SORCS3: variants seen among roughly 807,000 people sequenced by gnomAD.
The protein encoded by SORCS3 is sortilin related VPS10 domain containing receptor 3.
SORCS3 carries 57 observed loss-of-function variants against 146.3 expected under a neutral mutation model. That is an observed-to-expected ratio of 0.39 (90% CI 0.31 to 0.49). The LOEUF (loss-of-function observed/expected upper bound fraction) is 0.49. SORCS3 is among the 20% of genes least tolerant of loss of function. The probability of loss-of-function intolerance (pLI) is 0.92; values close to 1 mark genes in which losing one functional copy is unlikely to be tolerated. For synonymous variants in SORCS3, 653 were observed against 618.5 expected (o/e 1.06, Z -0.83); for missense variants, 1,341 against 1,575.5 (o/e 0.85, Z 2.52).
At chr10:105,189,193 T>C (rs1011429639) in intron 14 of SORCS3, among the ~76,000 whole-genome samples, 5 of 152,196 alleles carry the variant, frequency 3.3e-5, no homozygotes, top group Admixed American at 1.3e-4. Flanking sequence ...GCTTGCTGGC[T>C]ACCCATGAAA....
intron 4 of SORCS3, among the ~76,000 whole-genome samples, chr10:105,011,949 A>G (rs790653): frequency 0.046 from 7,037 of 152,254 alleles, 216 homozygotes; most frequent in East Asian, 0.16. Flanking sequence ...GGTCATAAAT[A>G]CTATAAGGAA....
chr10:104,715,000 A>C (rs2016459591), intron 1 of SORCS3, among the ~76,000 whole-genome samples: 2 of 152,184 alleles, frequency 1.3e-5, no homozygotes, highest in African/African-American at 2.4e-5. Flanking sequence ...AATGAGTATA[A>C]TTTAAGCTCG....
At chr10:104,837,363 G>A (rs2018082361) in intron 1 of SORCS3, among the ~76,000 whole-genome samples, 1 of 152,150 alleles carries the variant, frequency 6.6e-6, no homozygotes, top group Non-Finnish European at 1.5e-5. Context: ...TTCCATAAAT[G>A]TAATTTTCCA....
intron 1 of SORCS3, among the ~76,000 whole-genome samples, chr10:104,765,819 G>A (rs2017173497): frequency 6.6e-6 from 1 of 152,154 alleles, no homozygotes; most frequent in Non-Finnish European, 1.5e-5. Context: ...TGAGGAAACT[G>A]AGCCAATGAG....
chr10:104,773,941 A>G (rs974067288), intron 1 of SORCS3, among the ~76,000 whole-genome samples: 1 of 152,158 alleles, frequency 6.6e-6, no homozygotes, highest in African/African-American at 2.4e-5. Flanking sequence ...AGACTCTCCC[A>G]CCCTATTCCT....
intron 5 of SORCS3, among the ~76,000 whole-genome samples, chr10:105,089,335 C>T (rs531303907): frequency 1.4e-4 from 21 of 152,150 alleles, no homozygotes; most frequent in Non-Finnish European, 3.1e-4. Context: ...TACCGTGTTC[C>T]CCATCGGGTA....
intron 2 of SORCS3, among the ~76,000 whole-genome samples, chr10:104,905,231 T>G (rs559946035): frequency 6.6e-6 from 1 of 152,306 alleles, no homozygotes; most frequent in East Asian, 1.9e-4. Context: ...AAGAGATAAA[T>G]GAAGTTTTAG....
At chr10:105,235,433 A>C (rs1008270182) in intron 20 of SORCS3, among the ~76,000 whole-genome samples, 1 of 137,036 alleles carries the variant, frequency 7.3e-6, no homozygotes, top group African/African-American at 2.7e-5. Context: ...TTGAACTCTC[A>C]GACTGTGTGT....
intron 1 of SORCS3, among the ~76,000 whole-genome samples, chr10:104,782,217 A>G (rs1199613613): frequency 6.6e-6 from 1 of 152,158 alleles, no homozygotes; most frequent in African/African-American, 2.4e-5. Context: ...TCATAAATCT[A>G]CCTGATACTC....
intron 1 of SORCS3, among the ~76,000 whole-genome samples, chr10:104,655,699 C>T (rs1478198915): frequency 6.6e-6 from 1 of 152,108 alleles, no homozygotes; most frequent in Non-Finnish European, 1.5e-5. Context: ...TAGCACCATC[C>T]TCTTGGTACT....
rs545671046 is a variant in SORCS3 at position 104,792,252 on chromosome 10, A to G, written c.628-50540A>G. ...TTATCTGACAAACTCCTACAACACC[A>G]TGCATCTCTATCCTGGTAGATGTCT... On this transcript the variant is annotated intron_variant, in intron 1 of 26. Transcript: ENST00000369701. Among the ~76,000 whole-genome samples the G allele has an allele frequency of 2.6e-5, 4 of 152,254 alleles. No individual in the cohort carries two copies. The South Asian group carries it at 8.3e-4, about 32-fold the overall frequency.
At chr10:105,099,123 C>G (rs1370253374) in intron 6 of SORCS3, among the ~76,000 whole-genome samples, 1 of 152,142 alleles carries the variant, frequency 6.6e-6, no homozygotes, top group African/African-American at 2.4e-5. Flanking sequence ...CTTGTCTTTA[C>G]AGATAGGTTA....
chr10:104,672,030 G>C lies in SORCS3; in HGVS notation c.627+30076G>C, dbSNP rs77691473. Among the ~76,000 whole-genome samples the C allele has an allele frequency of 8.3e-3, 1,261 of 152,110 alleles. 81 individuals are homozygous for C. In the East Asian group the frequency reaches 0.14, roughly 17 times the overall value. ...AGCTTCCCCTCCTCTTCAGTTTTTTGGAAAAGTTTAAGAAGGATTGGTGAT... is the reference window on the plus strand; with the variant it reads ...AGCTTCCCCTCCTCTTCAGTTTTTTCGAAAAGTTTAAGAAGGATTGGTGAT... On this transcript the variant is annotated intron_variant, in intron 1 of 26. Coordinates refer to ENST00000369701, the MANE Select transcript of SORCS3 (RefSeq NM_014978.3).
chr10:104,762,172 A>C (rs1158508986), intron 1 of SORCS3, among the ~76,000 whole-genome samples: 8 of 152,136 alleles, frequency 5.3e-5, no homozygotes, highest in African/African-American at 1.9e-4. Context: ...CACCTCCTCC[A>C]GTAAGTCCTC....
intron 1 of SORCS3, among the ~76,000 whole-genome samples, chr10:104,826,164 T>C (rs1351968722): frequency 2.0e-5 from 3 of 152,158 alleles, no homozygotes; most frequent in African/African-American, 7.2e-5. Context: ...GCTATCTCCC[T>C]TTTGTCATAG....
chr10:104,955,090 A>G (rs7076627), intron 3 of SORCS3, among the ~76,000 whole-genome samples: 75,596 of 152,064 alleles, frequency 0.5, 22,737 homozygotes, highest in African/African-American at 0.86. Context: ...GTACATGCAC[A>G]ATGTGGTGTA....
chr10:105,197,684 G>A (rs1464065103), intron 14 of SORCS3, among the ~76,000 whole-genome samples: 3 of 152,162 alleles, frequency 2.0e-5, no homozygotes, highest in African/African-American at 7.2e-5. Flanking sequence ...AACCTGAAAA[G>A]TACCAAGCCC....
intron 3 of SORCS3, among the ~76,000 whole-genome samples, chr10:104,926,829 A>C (rs1358646449): frequency 6.6e-6 from 1 of 152,230 alleles, no homozygotes; most frequent in Non-Finnish European, 1.5e-5. Context: ...AATTTATTTA[A>C]AGGCTCATTA....
At chr10:105,009,590 G>A (rs2055120465) in intron 4 of SORCS3, among the ~76,000 whole-genome samples, 1 of 151,078 alleles carries the variant, frequency 6.6e-6, no homozygotes, top group African/African-American at 2.4e-5. Flanking sequence ...TTTTGTGTTG[G>A]CAAGGCCAGT....
Sources: gnomAD v4.1 joint callset for allele counts (sites outside exome capture counted in the v4.1 genomes callset) on GRCh38, gnomAD v4.1.1 for gene constraint, MANE v1.5 for transcripts, NCBI Gene and HGNC (gene_info 2026-07-23, HGNC 2026-07-21) for gene names.